The following NFX1 variants were observed in gnomAD, a reference collection of about 807,000 sequenced individuals.
NFX1 encodes the protein nuclear transcription factor, X-box binding 1.
NFX1 carries 69 observed loss-of-function variants against 137.2 expected under a neutral mutation model. That is an observed-to-expected ratio of 0.50 (90% CI 0.41 to 0.61). The LOEUF (loss-of-function observed/expected upper bound fraction) is 0.61. Among genes scored for constraint, NFX1 ranks in the 20% least tolerant of loss-of-function variants. NFX1 has a pLI of 0.00. For missense variants in NFX1, 1,167 were observed against 1,391.0 expected, an observed-to-expected ratio of 0.84 and a Z score of 2.56; for synonymous variants, 495 against 474.1, an observed-to-expected ratio of 1.04 and a Z score of -0.57.
chr9:33,358,442 A>AATT (rs377306755), intron 19 of NFX1, among the ~76,000 whole-genome samples: 2 of 151,554 alleles, frequency 1.3e-5, no homozygotes, highest in Admixed American at 6.6e-5. Context: ...ATTTTTTTTA[A>AATT]ATTATTATTA....
intron 9 of NFX1, among the ~76,000 whole-genome samples, chr9:33,322,726 A>G (rs1007584086): frequency 2.0e-5 from 3 of 152,200 alleles, no homozygotes; most frequent in Non-Finnish European, 4.4e-5. Context: ...GACCTTTCCC[A>G]GGGCGAGAGA....
chr9:33,294,171 G>A (rs1235094999), intron 1 of NFX1, among the ~76,000 whole-genome samples: 1 of 152,178 alleles, frequency 6.6e-6, no homozygotes, highest in African/African-American at 2.4e-5. Flanking sequence ...GCCCAGGTGA[G>A]CATTTTTACT....
Position 33,290,534 on chromosome 9 carries a change from A to T in NFX1, c.-39A>T, listed in dbSNP as rs830576. The T allele has an allele frequency of 1.2e-6, 2 of 1,613,138 alleles. No individual in the cohort carries two copies. Among genetic ancestry groups the T allele is most frequent in the South Asian group, 1.1e-5 (1 of 91,066 alleles). ...GGCACGTGACCTGGTGACAGTGCTG[A>T]CTTGGCTGTACAGCTCGATCTAGGT... On this transcript the variant is annotated 5_prime_UTR_variant, in exon 1 of 24. Transcript: ENST00000379540.
At position 33,333,729 on chromosome 9, in the gene NFX1, CTT is replaced by C. The variant is rs1479783150; in HGVS notation, c.2035+1229_2035+1230del. 2.6e-5 allele frequency among the ~76,000 whole-genome samples: 4 copies of C among 152,338 alleles called. No individual in the cohort carries two copies. The South Asian group carries it at 8.3e-4, about 32-fold the overall frequency. On this transcript the variant is annotated intron_variant, in intron 11 of 23. Coordinates refer to ENST00000379540, the MANE Select transcript of NFX1 (RefSeq NM_002504.6). ...AGTTTCTGAACAAAATTAAGGCTGT[CTT>C]TGCCTGAAAGAGAAGAGTGGCCGTT... is the stretch of plus-strand genomic sequence containing the variant.
At chr9:33,325,211 TTAATGA>T (rs1822536516) in intron 9 of NFX1, among the ~76,000 whole-genome samples, 2 of 152,182 alleles carry the variant, frequency 1.3e-5, no homozygotes, top group South Asian at 2.1e-4. Context: ...ATGCTAAAAG[TTAATGA>T]TAAGGAGAAA....
intron 4 of NFX1, among the ~76,000 whole-genome samples, chr9:33,305,250 A>G (rs1306935511): frequency 1.3e-5 from 2 of 152,364 alleles, no homozygotes; most frequent in Non-Finnish European, 2.9e-5. Flanking sequence ...TACGACTTAC[A>G]GCTGGATGAT....
At chr9:33,315,436 A>T (rs1430184668) in intron 7 of NFX1, among the ~76,000 whole-genome samples, 1 of 152,048 alleles carries the variant, frequency 6.6e-6, no homozygotes, top group African/African-American at 2.4e-5. Flanking sequence ...GCTTCCCTGA[A>T]ATATACTCTC....
At chr9:33,343,764 T>C (rs921973135) in intron 13 of NFX1, among the ~76,000 whole-genome samples, 3 of 152,196 alleles carry the variant, frequency 2.0e-5, no homozygotes, top group Admixed American at 1.3e-4. Context: ...AATTTCCTAT[T>C]ATAATATTAA....
At chr9:33,330,783 T>A (rs116691891) in intron 10 of NFX1, among the ~76,000 whole-genome samples, 1 of 152,156 alleles carries the variant, frequency 6.6e-6, no homozygotes, top group Non-Finnish European at 1.5e-5. Context: ...TATGTGTAAG[T>A]TGAATTTTTG....
At chr9:33,354,695 G>C (rs1823754464) in intron 18 of NFX1, among the ~76,000 whole-genome samples, 156 bp from the exon 19 acceptor site, 1 of 152,226 alleles carries the variant, frequency 6.6e-6, no homozygotes, top group South Asian at 2.1e-4. Context: ...GGAAACTGAA[G>C]AGCAGGTGGC....
At chr9:33,358,155 C>A (rs1222741286) in intron 19 of NFX1, among the ~76,000 whole-genome samples, 1 of 151,840 alleles carries the variant, frequency 6.6e-6, no homozygotes. Flanking sequence ...GACAGAGTCT[C>A]GTTCTGTTTC....
Position 33,319,147 on chromosome 9 carries a change from T to G in NFX1, c.1906+20T>G, listed in dbSNP as rs778787960. 6.2e-7 allele frequency: 1 copy of G among 1,609,808 alleles called. No individual in the cohort carries two copies. The highest frequency in any genetic ancestry group is 8.5e-7 in the Non-Finnish European group (1 of 1,176,300). Reference sequence around the variant, plus strand: ...CCTTAGGTAACTAGTAAGCGTAAAGTTGGCTTTAAAAATATTATTGTAAAT... The same window carrying G: ...CCTTAGGTAACTAGTAAGCGTAAAGGTGGCTTTAAAAATATTATTGTAAAT... On this transcript the variant is annotated intron_variant, in intron 9 of 23. Transcript: ENST00000379540.
Position 33,338,562 on chromosome 9 carries a change from G to T in NFX1, c.2088G>T (p.Arg696=). 6.2e-7 allele frequency: 1 copy of T among 1,600,760 alleles called. No individual in the cohort carries two copies. The highest frequency in any genetic ancestry group is 8.5e-7 in the Non-Finnish European group (1 of 1,176,220). ...KRCNKKRLCG[R]HKCNEICCVD... Reference sequence around the variant, plus strand: ...GTAACAAGAAACGGTTGTGTGGACGGCATAAATGTAATGAGATATGCTGTG... The same window carrying T: ...GTAACAAGAAACGGTTGTGTGGACGTCATAAATGTAATGAGATATGCTGTG... Residue 696 remains arginine (R), a synonymous_variant, in exon 12 of 24, where the codon CGG becomes CGT. Coordinates refer to ENST00000379540, the MANE Select transcript of NFX1 (RefSeq NM_002504.6).
chr9:33,359,555 C>T (rs1229120641), intron 19 of NFX1, among the ~76,000 whole-genome samples: 2 of 151,670 alleles, frequency 1.3e-5, no homozygotes, highest in South Asian at 4.2e-4. Context: ...GCCGAGATGG[C>T]GCCACCACAC....
rs1187312082 is a variant in NFX1, at chr9:33,319,059, A to C, written c.1838A>C (p.Lys613Thr). 6.2e-7 allele frequency: 1 copy of C among 1,614,228 alleles called. No individual in the cohort carries two copies. Among genetic ancestry groups the C allele is most frequent in the Non-Finnish European group, 8.5e-7 (1 of 1,180,038 alleles). The stretch of plus-strand genomic sequence containing the variant: ...CTAGAACTTGGAAGTAGTAGTCGGA[A>C]AACATGCATGGACCCTGTGCCTTCA... ...QLLELGSSSR[K>T]TCMDPVPSCG... Residue 613 changes from lysine to threonine, a missense_variant, in exon 9 of 24, where the codon AAA becomes ACA. Physicochemically the swap from Lys to Thr is moderately conservative, Grantham distance 78 (BLOSUM62 -1). Around this residue, in one of 3 missense-constraint regions of NFX1, gnomAD observed 488 missense variants for 691.5 expected, o/e 0.71. Transcript: ENST00000379540.
intron 9 of NFX1, among the ~76,000 whole-genome samples, chr9:33,323,704 G>A (rs141645085): frequency 6.6e-6 from 1 of 151,226 alleles, no homozygotes; most frequent in Non-Finnish European, 1.5e-5. Context: ...AGTGAGCCGC[G>A]ATTGCGCCAC....
At chr9:33,308,905 G>C (rs755841040) in intron 5 of NFX1, among the ~76,000 whole-genome samples, 79 of 152,116 alleles carry the variant, frequency 5.2e-4, no homozygotes, top group Non-Finnish European at 9.6e-4. Flanking sequence ...AAATGTCAGT[G>C]GGGGTAGAGC....
chr9:33,338,304 G>A (rs567930451), intron 11 of NFX1, among the ~76,000 whole-genome samples: 2 of 148,518 alleles, frequency 1.3e-5, no homozygotes, highest in Admixed American at 6.7e-5. Context: ...GCAGTGAGCC[G>A]AGATCACACC....
Position 33,294,735 on chromosome 9 carries a change from A to G in NFX1, c.341A>G (p.His114Arg), listed in dbSNP as rs116976364. ...TGGCAGAAATTGAGGAATGAGAAGC[A>G]CCATATCAGAGTCAAGAAAGCACAG... ...QPWQKLRNEK[H>R]HIRVKKAQSL... Residue 114 changes from histidine (H) to arginine (R), a missense_variant, in exon 2 of 24, where the codon CAC (histidine) becomes CGC (arginine). Physicochemically the swap from His to Arg is conservative, Grantham distance 29. This residue lies in a region of NFX1 where 367 missense variants were observed against 386.7 expected (regional missense o/e 0.95). Coordinates refer to ENST00000379540, the MANE Select transcript of NFX1 (RefSeq NM_002504.6). 6.2e-7 allele frequency: 1 copy of G among 1,614,126 alleles called. No homozygotes were observed. Among genetic ancestry groups the G allele is most frequent in the East Asian group, 2.2e-5 (1 of 44,884 alleles).
Sources: allele counts gnomAD v4.1 joint callset (sites outside exome capture counted in the v4.1 genomes callset), GRCh38; gene constraint gnomAD v4.1.1; regional missense constraint gnomAD v4.1.1; transcripts MANE v1.5; gene names NCBI Gene and HGNC (gene_info 2026-07-23, HGNC 2026-07-21).